The following ABCA13 variants were observed in gnomAD, a reference collection of about 807,000 sequenced individuals.
The protein encoded by ABCA13 is ATP binding cassette subfamily A member 13.
In ABCA13, 476 loss-of-function variants were observed where a neutral mutation model predicts 478.7. The ratio of observed to expected loss-of-function variants is 0.99; its 90% CI spans 0.92 to 1.07. The LOEUF (loss-of-function observed/expected upper bound fraction) is 1.07. ABCA13 is among the 50% of genes least tolerant of loss of function. The pLI is 0.00. For missense variants in ABCA13, 6,060 were observed against 5,910.6 expected, an observed-to-expected ratio of 1.03 and a Z score of -0.83; for synonymous variants, 2,252 against 2,158.9, an observed-to-expected ratio of 1.04 and a Z score of -1.20.
intron 42 of ABCA13, among the ~76,000 whole-genome samples, chr7:48,441,912 T>A (rs906299128): frequency 6.6e-6 from 1 of 152,048 alleles, no homozygotes; most frequent in Non-Finnish European, 1.5e-5. Flanking sequence ...GTGCGATGAG[T>A]AACAACAAAT....
At chr7:48,339,089 T>A (rs1181015135) in intron 29 of ABCA13, among the ~76,000 whole-genome samples, 1 of 152,158 alleles carries the variant, frequency 6.6e-6, no homozygotes, top group African/African-American at 2.4e-5. Context: ...CTAACCCAGT[T>A]GGTGGGGACC....
intron 1 of ABCA13, among the ~76,000 whole-genome samples, chr7:48,182,157 A>C (rs775195032): frequency 6.6e-6 from 1 of 152,208 alleles, no homozygotes; most frequent in Non-Finnish European, 1.5e-5. Flanking sequence ...TAACTCGACC[A>C]TAATAATTGC....
intron 39 of ABCA13, among the ~76,000 whole-genome samples, chr7:48,406,875 AAAAT>A (rs545188834): frequency 1.3e-5 from 2 of 151,768 alleles, no homozygotes; most frequent in Non-Finnish European, 2.9e-5. Context: ...TCCATCTCAA[AAAAT>A]AAATAAATAA....
chr7:48,180,246 G>A (rs1795479907), intron 1 of ABCA13, among the ~76,000 whole-genome samples: 4 of 152,212 alleles, frequency 2.6e-5, no homozygotes. Flanking sequence ...GTCTCCAGCA[G>A]AGCCTTGAAC....
chr7:48,238,989 A>G (rs1237750070), intron 8 of ABCA13, among the ~76,000 whole-genome samples: 1 of 152,172 alleles, frequency 6.6e-6, no homozygotes, highest in East Asian at 1.9e-4. Flanking sequence ...ACAAGATTTG[A>G]TGTCATCTCC....
chr7:48,213,998 A>G lies in ABCA13; in HGVS notation c.288-5356A>G, dbSNP rs184403519. Among the ~76,000 whole-genome samples the G allele has an allele frequency of 8.5e-5, 13 of 152,310 alleles. No individual in the cohort carries two copies. The East Asian group carries it at 2.5e-3, about 29-fold the overall frequency. ...CTGGAACCCACTCAAAATCATCCAT[A>G]AATTTGAATCACTATCTATGACTCT... On this transcript the variant is annotated intron_variant, in intron 3 of 61. Coordinates refer to ENST00000435803, the MANE Select transcript of ABCA13 (RefSeq NM_152701.5).
chr7:48,177,894 G>T (rs1795102627), intron 1 of ABCA13, among the ~76,000 whole-genome samples: 1 of 152,244 alleles, frequency 6.6e-6, no homozygotes. Flanking sequence ...CTCGCCTTAG[G>T]CTGAACCCTG....
chr7:48,625,846 T>A (rs1372157654), intron 59 of ABCA13, among the ~76,000 whole-genome samples: 2 of 152,068 alleles, frequency 1.3e-5, no homozygotes, highest in Non-Finnish European at 2.9e-5. Flanking sequence ...AAAATAGAAG[T>A]GTTGGAGATA....
At position 48,372,174 on chromosome 7, in the gene ABCA13, C is replaced by G. The variant is rs781289638; in HGVS notation, c.10810C>G (p.Arg3604Gly). 1 of 1,611,574 alleles carries G rather than the reference C, an allele frequency of 6.2e-7. No homozygotes were observed. Among genetic ancestry groups the G allele is most frequent in the Non-Finnish European group, 8.5e-7 (1 of 1,178,226 alleles). The change falls in exon 33 of 62, where the codon CGG (arginine) becomes GGG (glycine). Residue 3604 changes from arginine to glycine, a missense_variant. Arg to Gly is a moderately radical substitution (Grantham distance 125). This residue lies in a region of ABCA13 where 4,423 missense variants were observed against 4,309.1 expected (regional missense o/e 1.03). Coordinates refer to ENST00000435803, the MANE Select transcript of ABCA13 (RefSeq NM_152701.5). ...EQEIQIEEYM[R>G]MMGVHPVIHF... ...TTTTTTCTCTTTTTGGTAGTATATGCGGATGATGGGAGTGCATCCAGTGAT... is the reference window on the plus strand; with the variant it reads ...TTTTTTCTCTTTTTGGTAGTATATGGGGATGATGGGAGTGCATCCAGTGAT...
intron 57 of ABCA13, among the ~76,000 whole-genome samples, chr7:48,591,416 C>T (rs1789731368): frequency 6.6e-6 from 1 of 151,872 alleles, no homozygotes; most frequent in Admixed American, 6.6e-5. Flanking sequence ...TGTGAGGCCT[C>T]CAGCACCATT....
intron 27 of ABCA13, among the ~76,000 whole-genome samples, chr7:48,326,067 C>T (rs1344205471): frequency 1.3e-5 from 2 of 152,172 alleles, no homozygotes; most frequent in Non-Finnish European, 2.9e-5. Flanking sequence ...CTTTGGGATG[C>T]CATGGATGTT....
intron 29 of ABCA13, among the ~76,000 whole-genome samples, chr7:48,342,096 G>GAA (rs1477167273): frequency 4.0e-5 from 6 of 150,394 alleles, no homozygotes; most frequent in African/African-American, 1.5e-4. Context: ...TAGGTTATTT[G>GAA]AAAGACTATA....
chr7:48,417,158 G>A (rs1004226531), intron 41 of ABCA13, among the ~76,000 whole-genome samples: 1 of 152,144 alleles, frequency 6.6e-6, no homozygotes, highest in East Asian at 1.9e-4. Context: ...GGATCCCCCA[G>A]CTTTTCCATA....
At chr7:48,507,041 C>T (rs2130867561) in intron 49 of ABCA13, among the ~76,000 whole-genome samples, 1 of 152,330 alleles carries the variant, frequency 6.6e-6, no homozygotes. Flanking sequence ...GCATTCTCTG[C>T]TCAAGTTGTT....
At chr7:48,291,555 C>T in intron 20 of ABCA13, among the ~76,000 whole-genome samples, 1 of 152,136 alleles carries the variant, frequency 6.6e-6, no homozygotes. Context: ...TGCCAGAGCT[C>T]AATCCAGTTG....
At position 48,623,290 on chromosome 7, in the gene ABCA13, T is replaced by C. The variant is rs117579427; in HGVS notation, c.14837+7913T>C. Among the ~76,000 whole-genome samples the C allele has an allele frequency of 4.3e-3, 651 of 152,368 alleles. 10 individuals carry two copies. The East Asian group carries it at 0.053, about 12-fold the overall frequency. On this transcript the variant is annotated intron_variant, in intron 59 of 61. Coordinates refer to ENST00000435803, the MANE Select transcript of ABCA13 (RefSeq NM_152701.5). Reference sequence around the variant, plus strand: ...GAGACACCTCTTGTCAGCTAGCTTTTTGATGGGCTCTCACAAAGTTTTTAT... The same window carrying C: ...GAGACACCTCTTGTCAGCTAGCTTTCTGATGGGCTCTCACAAAGTTTTTAT...
chr7:48,433,357 A>T (rs1029301833), intron 42 of ABCA13, among the ~76,000 whole-genome samples: 2 of 151,322 alleles, frequency 1.3e-5, no homozygotes, highest in African/African-American at 4.8e-5. Context: ...AGTACTCAAA[A>T]AATATTTTTT....
rs1047383185 is a variant in ABCA13 at position 48,551,603 on chromosome 7, C to T, written c.14354+23258C>T. 4.6e-5 allele frequency among the ~76,000 whole-genome samples: 6 copies of T among 130,034 alleles called. No homozygotes were observed. In the East Asian group the frequency reaches 8.9e-4, roughly 19 times the overall value. 85.3% of individuals were successfully genotyped at this position (130,034 alleles called of 152,430 possible). On this transcript the variant is annotated intron_variant, in intron 55 of 61. Coordinates refer to ENST00000435803, the MANE Select transcript of ABCA13 (RefSeq NM_152701.5). ...ATTATTTTTTCTTTTCAAATAAATTCGTATGTATTGCACTCTTTTTTTTTT... is the reference window on the plus strand; with the variant it reads ...ATTATTTTTTCTTTTCAAATAAATTTGTATGTATTGCACTCTTTTTTTTTT...
rs546250510 is a variant in ABCA13, at chr7:48,523,615, A to G, written c.14052-633A>G. Among the ~76,000 whole-genome samples the G allele has an allele frequency of 3.9e-5, 6 of 152,114 alleles. No individual in the cohort carries two copies. The East Asian group carries it at 1.2e-3, about 29-fold the overall frequency. On this transcript the variant is annotated intron_variant, in intron 53 of 61. Coordinates refer to ENST00000435803, the MANE Select transcript of ABCA13 (RefSeq NM_152701.5). ...ATAATAATTAAAATGTTGGCATATT[A>G]TAGTTTATAGGGGAAATTGAAATTT...
Sources: allele counts gnomAD v4.1 joint callset (sites outside exome capture counted in the v4.1 genomes callset), GRCh38; gene constraint gnomAD v4.1.1; regional missense constraint gnomAD v4.1.1; transcripts MANE v1.5; gene names NCBI Gene and HGNC (gene_info 2026-07-23, HGNC 2026-07-21).